OSBPL10: variants seen among roughly 807,000 people sequenced by gnomAD.
OSBPL10 encodes the protein oxysterol-binding protein-related protein 10.
Under a neutral mutation model 81.7 loss-of-function variants are expected in OSBPL10, and 49 were observed. The observed-to-expected ratio is 0.60, with a 90% CI of 0.48 to 0.76. The LOEUF is 0.76. Among genes scored for constraint, OSBPL10 ranks in the 30% least tolerant of loss-of-function variants. The pLI, the probability that OSBPL10 is intolerant of heterozygous loss-of-function variation, is 0.00. For missense variants in OSBPL10, 923 were observed against 987.8 expected (o/e 0.93, Z 0.88); for synonymous variants, 419 against 383.6 (o/e 1.09, Z -1.08).
At chr3:31,825,377 A>T (rs1700075253) in intron 4 of OSBPL10, among the ~76,000 whole-genome samples, 1 of 152,148 alleles carries the variant, frequency 6.6e-6, no homozygotes, top group Non-Finnish European at 1.5e-5. Flanking sequence ...GGTGGAGTGC[A>T]GTGGGGCAAT....
Position 31,839,197 on chromosome 3 carries a change from T to G in OSBPL10, c.538-8966A>C, listed in dbSNP as rs75189912. Reference sequence around the variant, plus strand: ...TAAAAATATCAACACTGATTCATTATTATCTCTTCTCCTTTTCCAAACAGG... The same window carrying G: ...TAAAAATATCAACACTGATTCATTAGTATCTCTTCTCCTTTTCCAAACAGG... On this transcript the variant is annotated intron_variant, in intron 3 of 11. Transcript: ENST00000396556. Among the ~76,000 whole-genome samples the G allele has an allele frequency of 7.9e-3, 1,198 of 152,354 alleles. 16 individuals carry two copies. Among genetic ancestry groups the G allele is most frequent in the African/African-American group, 0.028 (1,151 of 41,576 alleles).
At chr3:31,807,254 C>T (rs1419528556) in intron 4 of OSBPL10, among the ~76,000 whole-genome samples, 1 of 151,952 alleles carries the variant, frequency 6.6e-6, no homozygotes, top group East Asian at 1.9e-4. Flanking sequence ...GTGTTGCACA[C>T]CTGTAATCCC....
chr3:31,800,034 G>T (rs150648692), intron 4 of OSBPL10, among the ~76,000 whole-genome samples: 1 of 152,288 alleles, frequency 6.6e-6, no homozygotes, highest in East Asian at 1.9e-4. Context: ...AATAACCTCT[G>T]CCTGGGTTGT....
chr3:32,075,804 A>G (rs911569792), intron 1 of OSBPL10, among the ~76,000 whole-genome samples: 4 of 152,226 alleles, frequency 2.6e-5, no homozygotes, highest in African/African-American at 9.6e-5. Flanking sequence ...AAGCTAAGCC[A>G]TCATATCCCC....
At position 31,823,440 on chromosome 3, in the gene OSBPL10, T is replaced by A. The variant is rs895691425; in HGVS notation, c.729+6600A>T. Among the ~76,000 whole-genome samples, 493 of 152,158 alleles carry A rather than the reference T, an allele frequency of 3.2e-3. 4 individuals carry two copies. The highest frequency in any genetic ancestry group is 5.3e-3 in the Non-Finnish European group (363 of 67,998). Reference sequence around the variant, plus strand: ...CAGAATGAAGGTAGGAGTGGGTGAGTAAGCAAGCTCACAGTCTAGGGCAGT... The same window carrying A: ...CAGAATGAAGGTAGGAGTGGGTGAGAAAGCAAGCTCACAGTCTAGGGCAGT... On this transcript the variant is annotated intron_variant, in intron 4 of 11. Transcript: ENST00000396556.
chr3:31,811,004 G>A (rs1295638399), intron 4 of OSBPL10, among the ~76,000 whole-genome samples: 1 of 152,162 alleles, frequency 6.6e-6, no homozygotes, highest in African/African-American at 2.4e-5. Flanking sequence ...AGGTGTCGAG[G>A]AGGTCAATGA....
rs141449255 is a variant in OSBPL10, at chr3:31,680,348, C to T, written c.1726+3286G>A. ...CCTCTGCTCTTCCTGGGCTTGTGAA[C>T]TCAGGGGGCTGCCTGAACCTCCTCA... On this transcript the variant is annotated intron_variant, in intron 8 of 11. Transcript: ENST00000396556. Among the ~76,000 whole-genome samples, 131 of 152,296 alleles carry T rather than the reference C, an allele frequency of 8.6e-4. 3 individuals are homozygous for T. Among genetic ancestry groups the T allele is most frequent in the Non-Finnish European group, 1.7e-3 (114 of 68,026 alleles).
At chr3:31,817,053 T>C (rs541014941) in intron 4 of OSBPL10, among the ~76,000 whole-genome samples, 1 of 152,314 alleles carries the variant, frequency 6.6e-6, no homozygotes, top group South Asian at 2.1e-4. Flanking sequence ...CTCTCCCTGC[T>C]CTGGCTGAGC....
At chr3:31,906,874 T>TGTCACTGAA (rs1162270656) in intron 1 of OSBPL10, 1 of 152,266 alleles carries the variant, frequency 6.6e-6, no homozygotes, top group Non-Finnish European at 1.5e-5. Flanking sequence ...TTTGAAAAAC[T>TGTCACTGAA]GTCACTGAAG....
At chr3:31,833,096 C>T (rs1479127011) in intron 3 of OSBPL10, among the ~76,000 whole-genome samples, 3 of 152,140 alleles carry the variant, frequency 2.0e-5, no homozygotes, top group Non-Finnish European at 4.4e-5. Flanking sequence ...AATCTTTTCA[C>T]TTGGAGAGTA....
chr3:31,712,434 G>A (rs987053056), intron 6 of OSBPL10, among the ~76,000 whole-genome samples: 4 of 152,224 alleles, frequency 2.6e-5, no homozygotes, highest in Admixed American at 2.6e-4. Context: ...GATTAACCTG[G>A]ATTGCTGAGG....
chr3:32,027,567 A>AT (rs1198358999), intron 2 of OSBPL10, among the ~76,000 whole-genome samples: 16 of 152,206 alleles, frequency 1.1e-4, no homozygotes, highest in African/African-American at 3.6e-4. Context: ...TTTTCCAATT[A>AT]TTTTTCAGTA....
rs376519477 is a variant in OSBPL10 at position 31,871,279 on chromosome 3, G to C, written c.537+5154C>G. ...AGCCAGCGAGACCATGAGCCCACCG[G>C]GAGGAAGGAACAACTCCAGATGCGC... On this transcript the variant is annotated intron_variant, in intron 3 of 11. Transcript: ENST00000396556. Among the ~76,000 whole-genome samples the C allele has an allele frequency of 3.1e-3, 465 of 152,106 alleles. 3 individuals carry two copies. Among genetic ancestry groups the C allele is most frequent in the African/African-American group, 0.01 (431 of 41,478 alleles).
intron 1 of OSBPL10, among the ~76,000 whole-genome samples, chr3:31,971,158 T>TTTTTTTTTCTTTTTTTTG (rs1698556655): frequency 8.9e-6 from 1 of 112,516 alleles, no homozygotes; most frequent in Non-Finnish European, 1.7e-5. Context: ...TTTTTTTTTT[T>TTTTTTTTTCTTTTTTTTG]GAGCTGGAGT....
At chr3:31,782,247 A>G (rs1303860374) in intron 4 of OSBPL10, among the ~76,000 whole-genome samples, 1 of 152,224 alleles carries the variant, frequency 6.6e-6, no homozygotes, top group African/African-American at 2.4e-5. Flanking sequence ...TACAAGAATG[A>G]AGCTGGATCC....
chr3:31,882,941 G>A (rs1477055071), intron 1 of OSBPL10, among the ~76,000 whole-genome samples: 1 of 152,026 alleles, frequency 6.6e-6, no homozygotes, highest in African/African-American at 2.4e-5. Flanking sequence ...TCTTTAATGT[G>A]GGGCAAAAAC....
At chr3:31,722,657 AT>A (rs1696682369) in intron 6 of OSBPL10, among the ~76,000 whole-genome samples, 1 of 152,062 alleles carries the variant, frequency 6.6e-6, no homozygotes, top group Non-Finnish European at 1.5e-5. Flanking sequence ...CTTGAATTAC[AT>A]TATATATATA....
chr3:31,921,747 T>C (rs539929572), intron 1 of OSBPL10, among the ~76,000 whole-genome samples: 1 of 152,316 alleles, frequency 6.6e-6, no homozygotes, highest in Non-Finnish European at 1.5e-5. Flanking sequence ...GCATAGGGAC[T>C]TTCTTTTGCG....
At chr3:31,921,857 T>C (rs1249744416) in intron 1 of OSBPL10, among the ~76,000 whole-genome samples, 1 of 152,168 alleles carries the variant, frequency 6.6e-6, no homozygotes, top group Non-Finnish European at 1.5e-5. Context: ...ACAGCAACAA[T>C]TACAAATCAT....
Sources: gnomAD v4.1 joint callset for allele counts (sites outside exome capture counted in the v4.1 genomes callset) on GRCh38, gnomAD v4.1.1 for gene constraint, MANE v1.5 for transcripts, NCBI Gene and HGNC (gene_info 2026-07-23, HGNC 2026-07-21) for gene names.